The following GRIK4 variants were observed in gnomAD, a reference collection of about 807,000 sequenced individuals.
GRIK4 encodes glutamate receptor ionotropic, kainate 4.
GRIK4 carries 40 observed loss-of-function variants against 104.9 expected under a neutral mutation model. That is an observed-to-expected ratio of 0.38 (90% confidence interval 0.30 to 0.50). The LOEUF (loss-of-function observed/expected upper bound fraction) is 0.50. Ranked by LOEUF, GRIK4 falls within the 20% of genes least tolerant of loss-of-function variation. The pLI is 0.93. For synonymous variants in GRIK4, 485 were observed against 524.9 expected (o/e 0.92, Z 1.04); for missense variants, 1,047 against 1,308.1 (o/e 0.80, Z 3.08).
rs576448722 is a variant in GRIK4 at position 120,541,122 on chromosome 11, T to G, written c.-159+29235T>G. On this transcript the variant is annotated intron_variant, in intron 1 of 20. Coordinates refer to ENST00000527524, the MANE Select transcript of GRIK4 (RefSeq NM_014619.5). ...GCGCAGCTACCGGAATGTGCTGTGCTAGTTCACACATCTGGGCCCTTGCCG... is the reference window on the plus strand; with the variant it reads ...GCGCAGCTACCGGAATGTGCTGTGCGAGTTCACACATCTGGGCCCTTGCCG... Among the ~76,000 whole-genome samples the G allele has an allele frequency of 5.9e-5, 9 of 152,390 alleles. No homozygotes were observed. The East Asian group carries it at 1.7e-3, about 29-fold the overall frequency.
At chr11:120,594,363 GCTACT>G (rs1403361584) in intron 1 of GRIK4, among the ~76,000 whole-genome samples, 1 of 152,122 alleles carries the variant, frequency 6.6e-6, no homozygotes, top group Non-Finnish European at 1.5e-5. Flanking sequence ...TGTTGTCCCA[GCTACT>G]CAGGAGGCTG....
At position 120,960,952 on chromosome 11, in the gene GRIK4, C is replaced by G; in HGVS notation, c.1918C>G (p.Leu640Val). ...CATCATCTCATCCTACACGGCCAAC[C>G]TGGCAGCCTTCCTGACCGTGCAGCG... ...LIIISSYTAN[L>V]AAFLTVQRMD... The change falls in exon 17 of 21, where the codon CTG (leucine) becomes GTG (valine). Residue 640 changes from leucine (L) to valine (V), a missense_variant. Around this residue, in one of 3 missense-constraint regions of GRIK4, gnomAD observed 440 missense variants for 652.3 expected, o/e 0.67. Transcript: ENST00000527524. The G allele has an allele frequency of 6.2e-7, 1 of 1,614,082 alleles. No individual in the cohort carries two copies. The highest frequency in any genetic ancestry group is 8.5e-7 in the Non-Finnish European group (1 of 1,180,012).
At chr11:120,857,391 G>A (rs1954132961) in intron 8 of GRIK4, among the ~76,000 whole-genome samples, 2 of 152,096 alleles carry the variant, frequency 1.3e-5, no homozygotes, top group South Asian at 4.1e-4. Context: ...TCATCTCAGG[G>A]TAACATCTGC....
intron 3 of GRIK4, among the ~76,000 whole-genome samples, chr11:120,723,293 C>T (rs1950965988): frequency 6.6e-6 from 1 of 152,168 alleles, no homozygotes; most frequent in Non-Finnish European, 1.5e-5. Flanking sequence ...TTTCCACCCA[C>T]CACTCTTCCA....
At position 120,573,159 on chromosome 11, in the gene GRIK4, CTGCT is replaced by C. The variant is rs547850521; in HGVS notation, c.-159+61275_-159+61278del. On this transcript the variant is annotated intron_variant, in intron 1 of 20. Coordinates refer to ENST00000527524, the MANE Select transcript of GRIK4 (RefSeq NM_014619.5). ...TTGGTGTGGTGTCCTGGGTATTTCA[CTGCT>C]TGGGTTGAAGGACAAGCGGTCTGCT... 6.0e-4 allele frequency among the ~76,000 whole-genome samples: 91 copies of C among 152,308 alleles called. 1 individual carries two copies. The South Asian group carries it at 0.018, about 30-fold the overall frequency.
At chr11:120,544,401 G>A (rs1948065545) in intron 1 of GRIK4, among the ~76,000 whole-genome samples, 1 of 152,006 alleles carries the variant, frequency 6.6e-6, no homozygotes, top group Non-Finnish European at 1.5e-5. Context: ...CATGATCTTG[G>A]CTCACTGCAT....
At chr11:120,970,659 C>T (rs1302918460) in intron 19 of GRIK4, among the ~76,000 whole-genome samples, 1 of 152,074 alleles carries the variant, frequency 6.6e-6, no homozygotes, top group East Asian at 1.9e-4. Context: ...GAAGGGGATC[C>T]AGGATCTCGG....
chr11:120,793,628 G>A (rs200263740), intron 3 of GRIK4, among the ~76,000 whole-genome samples: 1 of 150,896 alleles, frequency 6.6e-6, no homozygotes, highest in South Asian at 2.1e-4. Context: ...GTTAGGGGTC[G>A]GAGCCCAGCA....
intron 13 of GRIK4, among the ~76,000 whole-genome samples, chr11:120,920,644 T>C (rs1250996313): frequency 1.3e-5 from 2 of 151,280 alleles, no homozygotes; most frequent in Admixed American, 1.3e-4. Flanking sequence ...GAGGTGGGGG[T>C]GTCTGAGCCC....
At chr11:120,753,340 T>TGTGTGTGTGC (rs377163804) in intron 3 of GRIK4, among the ~76,000 whole-genome samples, 41 of 147,720 alleles carry the variant, frequency 2.8e-4, no homozygotes, top group African/African-American at 9.4e-4. Context: ...TGTGTGTGTG[T>TGTGTGTGTGC]GTGCAGGGTG....
At chr11:120,977,087 A>AT (rs987589059) in intron 19 of GRIK4, among the ~76,000 whole-genome samples, 5 of 152,186 alleles carry the variant, frequency 3.3e-5, no homozygotes, top group African/African-American at 1.2e-4. Context: ...GTGAACTATC[A>AT]TTTTTTGGGC....
chr11:120,762,420 G>T (rs182924048), intron 3 of GRIK4, among the ~76,000 whole-genome samples: 162 of 152,250 alleles, frequency 1.1e-3, no homozygotes, highest in Non-Finnish European at 1.7e-3. Context: ...CTTCCTATTT[G>T]AATACCCTTT....
At chr11:120,534,343 A>T (rs537199112) in intron 1 of GRIK4, among the ~76,000 whole-genome samples, 1 of 152,186 alleles carries the variant, frequency 6.6e-6, no homozygotes, top group Non-Finnish European at 1.5e-5. Context: ...AGGGATATCT[A>T]TGTGGAATTG....
chr11:120,833,750 A>T (rs1166914530), intron 7 of GRIK4, among the ~76,000 whole-genome samples: 1 of 152,228 alleles, frequency 6.6e-6, no homozygotes, highest in African/African-American at 2.4e-5. Context: ...ACCCAGAGCT[A>T]TTTAACCACT....
intron 9 of GRIK4, among the ~76,000 whole-genome samples, chr11:120,863,906 G>A (rs1954325252): frequency 1.3e-5 from 2 of 152,234 alleles, no homozygotes; most frequent in African/African-American, 4.8e-5. Context: ...GAAAACTCAG[G>A]AAGCTTTGAT....
At chr11:120,714,431 A>T (rs1950791147) in intron 3 of GRIK4, among the ~76,000 whole-genome samples, 1 of 152,210 alleles carries the variant, frequency 6.6e-6, no homozygotes, top group African/African-American at 2.4e-5. Flanking sequence ...TTGAACACCT[A>T]CTGTGTGCCA....
At chr11:120,795,986 GGT>G (rs1374792483) in intron 3 of GRIK4, among the ~76,000 whole-genome samples, 1 of 150,670 alleles carries the variant, frequency 6.6e-6, no homozygotes, top group Non-Finnish European at 1.5e-5. Context: ...TATTTTTGTT[GGT>G]GTTATTTTTA....
intron 1 of GRIK4, among the ~76,000 whole-genome samples, chr11:120,563,464 C>T (rs1203034893): frequency 6.6e-6 from 1 of 152,136 alleles, no homozygotes; most frequent in Non-Finnish European, 1.5e-5. Context: ...GGGTGGACAG[C>T]AGCCTTAACT....
Position 120,902,954 on chromosome 11 carries a change from C to T in GRIK4, c.1273-2336C>T, listed in dbSNP as rs549758388. Among the ~76,000 whole-genome samples, 37 of 152,238 alleles carry T rather than the reference C, an allele frequency of 2.4e-4. No homozygotes were observed. Among genetic ancestry groups the T allele is most frequent in the South Asian group, 6.2e-4 (3 of 4,824 alleles). On this transcript the variant is annotated intron_variant, in intron 12 of 20. Coordinates refer to ENST00000527524, the MANE Select transcript of GRIK4 (RefSeq NM_014619.5). The surrounding 1 kb of genome is among the most constrained non-coding windows in gnomAD (Gnocchi z 4.5). ...CACGTCACCTTCCACTCAGAGCTCCCGCTCCCTGACACATGACCTTTGCCT... is the reference window on the plus strand; with the variant it reads ...CACGTCACCTTCCACTCAGAGCTCCTGCTCCCTGACACATGACCTTTGCCT...
Sources: allele counts gnomAD v4.1 joint callset (sites outside exome capture counted in the v4.1 genomes callset), GRCh38; gene constraint gnomAD v4.1.1; regional missense constraint gnomAD v4.1.1; non-coding constraint Gnocchi (gnomAD v3.1); transcripts MANE v1.5; gene names NCBI Gene and HGNC (gene_info 2026-07-23, HGNC 2026-07-21).